The following PHF5A variants were observed in gnomAD, a reference collection of about 807,000 sequenced individuals.
The protein encoded by PHF5A is PHD finger-like domain-containing protein 5A.
For synonymous variants in PHF5A, 52 were observed against 46.0 expected, an observed-to-expected ratio of 1.13 and a Z score of -0.52; for missense variants, 24 against 140.6, an observed-to-expected ratio of 0.17 and a Z score of 4.19.
intron 2 of PHF5A, among the ~76,000 whole-genome samples, 188 bp from the exon 3 acceptor site, chr22:41,467,802 A>G (rs749183812): frequency 3.3e-5 from 5 of 152,276 alleles, no homozygotes; most frequent in Non-Finnish European, 5.9e-5. Context: ...AACACATACA[A>G]AAGTTTACCA....
intron 3 of PHF5A, among the ~76,000 whole-genome samples, chr22:41,464,320 A>G (rs2037849384): frequency 6.6e-6 from 1 of 152,198 alleles, no homozygotes; most frequent in Admixed American, 6.5e-5. Flanking sequence ...ATCAATTATG[A>G]AAGTTGCAGG....
At position 41,459,810 on chromosome 22, in the gene PHF5A, T is replaced by C. The variant is rs1226706589; in HGVS notation, c.*588A>G. On this transcript the variant is annotated 3_prime_UTR_variant, in exon 4 of 4. Transcript: ENST00000216252. ...AAAATAATATGAGACTAGTGGGCTA[T>C]GATGATGCCTGTGAATAGCCAGCTA... is the stretch of plus-strand genomic sequence containing the variant. 6.6e-6 allele frequency: 1 copy of C among 151,308 alleles called. No individual in the cohort carries two copies. The highest frequency in any genetic ancestry group is 1.5e-5 in the Non-Finnish European group (1 of 67,946). The allele number at this position is 151,308 out of a possible 1,614,324, so 9.4% of individuals were successfully genotyped here. A position where few individuals can be genotyped will look rare whatever the true frequency, so the allele number is the denominator to read the frequency against.
chr22:41,464,038 G>A (rs1013737693), intron 3 of PHF5A, among the ~76,000 whole-genome samples: 2 of 152,172 alleles, frequency 1.3e-5, no homozygotes, highest in Non-Finnish European at 2.9e-5. Flanking sequence ...GGAAAACAAT[G>A]TTCAGCTAAG....
intron 3 of PHF5A, among the ~76,000 whole-genome samples, chr22:41,463,097 C>T (rs1293642006): frequency 6.6e-6 from 1 of 151,902 alleles, no homozygotes; most frequent in African/African-American, 2.4e-5. Context: ...TGGTCTCGAA[C>T]TCCTGACCTC....
intron 3 of PHF5A, among the ~76,000 whole-genome samples, chr22:41,466,365 A>G (rs2037866276): frequency 6.6e-6 from 1 of 152,232 alleles, no homozygotes; most frequent in Non-Finnish European, 1.5e-5. Flanking sequence ...GACAAAAAAA[A>G]TCACGATGCA....
chr22:41,464,174 T>C (rs1335311975), intron 3 of PHF5A, among the ~76,000 whole-genome samples: 1 of 152,224 alleles, frequency 6.6e-6, no homozygotes, highest in Non-Finnish European at 1.5e-5. Context: ...TTACATGATG[T>C]GGCACCATAA....
intron 3 of PHF5A, among the ~76,000 whole-genome samples, chr22:41,462,417 T>C (rs1277353901): frequency 6.6e-6 from 1 of 152,212 alleles, no homozygotes; most frequent in Non-Finnish European, 1.5e-5. Context: ...ACTAACATTT[T>C]AGGATCTCCT....
chr22:41,463,656 C>T (rs1276346111), intron 3 of PHF5A, among the ~76,000 whole-genome samples: 8 of 134,858 alleles, frequency 5.9e-5, no homozygotes, highest in East Asian at 2.5e-4. Flanking sequence ...ACCCAGGAGG[C>T]ATAGGTTGCA....
In PHF5A at chr22:41,460,311, C is replaced by A; in HGVS notation, c.*87G>T. On this transcript the variant is annotated 3_prime_UTR_variant, in exon 4 of 4. Coordinates refer to ENST00000216252, the MANE Select transcript of PHF5A (RefSeq NM_032758.4). ...GGCACTCCTGGTGATGCTCTGGGCT[C>A]TGCTCCCTTTCTGCTGGTAGTAGTA... The A allele has an allele frequency of 8.8e-7, 1 of 1,141,980 alleles. No individual in the cohort carries two copies. Among genetic ancestry groups the A allele is most frequent in the Non-Finnish European group, 1.3e-6 (1 of 779,598 alleles). The allele number at this position is 1,141,980 out of a possible 1,614,324, so 70.7% of individuals were successfully genotyped here.
intron 3 of PHF5A, among the ~76,000 whole-genome samples, chr22:41,463,609 C>T (rs2146061039): frequency 1.6e-5 from 1 of 61,090 alleles, no homozygotes; most frequent in Admixed American, 1.1e-4. Flanking sequence ...CCTGTAATCC[C>T]AGCTACTCAG....
chr22:41,467,846 C>T (rs963324504), intron 2 of PHF5A, among the ~76,000 whole-genome samples: 1 of 152,154 alleles, frequency 6.6e-6, no homozygotes, highest in Non-Finnish European at 1.5e-5. Context: ...AAAAGCACCT[C>T]GGAGATGATA....
intron 1 of PHF5A, 71 bp from the exon 2 acceptor site, chr22:41,468,218 G>C: frequency 6.1e-6 from 9 of 1,471,182 alleles, no homozygotes; most frequent in Non-Finnish European, 7.6e-6. Context: ...GTACATCCTC[G>C]AGCTGGGGGT....
chr22:41,467,166 G>A (rs957284790), intron 3 of PHF5A, among the ~76,000 whole-genome samples: 3 of 151,938 alleles, frequency 2.0e-5, no homozygotes, highest in Non-Finnish European at 2.9e-5. Flanking sequence ...ACGCCCAGCC[G>A]GATGTCATTT....
In PHF5A at chr22:41,467,671, T is replaced by C. The variant is rs2037879517; in HGVS notation, c.77-57A>G. 4.4e-6 allele frequency: 7 copies of C among 1,573,304 alleles called. No homozygotes were observed. In the African/African-American group the frequency reaches 9.4e-5, roughly 21 times the overall value. ...AGTTCTTCAGTCCTCTGCTATCTCC[T>C]GCCATGGGGAAATATACTAGTCTCC... is the stretch of plus-strand genomic sequence containing the variant. On this transcript the variant is annotated intron_variant, in intron 2 of 3. Transcript: ENST00000216252.
intron 3 of PHF5A, among the ~76,000 whole-genome samples, chr22:41,467,018 A>G (rs1568995313): frequency 7.7e-6 from 1 of 129,780 alleles, no homozygotes; most frequent in Non-Finnish European, 1.7e-5. Flanking sequence ...CAAGAAGCAA[A>G]AAACAAAAAA....
intron 3 of PHF5A, among the ~76,000 whole-genome samples, chr22:41,464,278 T>C (rs1161630567): frequency 2.0e-5 from 3 of 152,166 alleles, no homozygotes; most frequent in African/African-American, 7.2e-5. Context: ...TAAATGAGAA[T>C]ACCTAGCTTA....
chr22:41,466,939 A>T (rs2037870407), intron 3 of PHF5A, among the ~76,000 whole-genome samples: 1 of 151,884 alleles, frequency 6.6e-6, no homozygotes, highest in Non-Finnish European at 1.5e-5. Context: ...TGAGCCTTGC[A>T]CATGATCATG....
intron 3 of PHF5A, among the ~76,000 whole-genome samples, chr22:41,461,882 T>C (rs1482911840): frequency 6.6e-6 from 1 of 152,138 alleles, no homozygotes; most frequent in Admixed American, 6.6e-5. Flanking sequence ...AGGATGGTCT[T>C]GATCTCTTGA....
chr22:41,460,338 G>T lies in PHF5A; in HGVS notation c.*60C>A. ...GCTCCCTTTCTGCTGGTAGTAGTAGGCATGTTTTCTGGCAGCTGCAGCAGA... is the reference window on the plus strand; with the variant it reads ...GCTCCCTTTCTGCTGGTAGTAGTAGTCATGTTTTCTGGCAGCTGCAGCAGA... On this transcript the variant is annotated 3_prime_UTR_variant, in exon 4 of 4. Transcript: ENST00000216252. 3 of 1,359,074 alleles carry T rather than the reference G, an allele frequency of 2.2e-6. No individual in the cohort carries two copies. The highest frequency in any genetic ancestry group is 1.3e-5 in the South Asian group (1 of 78,632). 84.2% of individuals were successfully genotyped at this position (1,359,074 alleles called of 1,614,324 possible).
Sources: gnomAD v4.1 joint callset for allele counts (sites outside exome capture counted in the v4.1 genomes callset) on GRCh38, gnomAD v4.1.1 for gene constraint, MANE v1.5 for transcripts, NCBI Gene and HGNC (gene_info 2026-07-23, HGNC 2026-07-21) for gene names.